The following PPP3R1 variants were observed in gnomAD, a reference collection of about 807,000 sequenced individuals.
PPP3R1 encodes protein phosphatase 3 regulatory subunit B, alpha.
A neutral mutation model predicts 22.6 loss-of-function variants in PPP3R1; 5 were observed. The ratio of observed to expected loss-of-function variants is 0.22; its 90% CI spans 0.12 to 0.46. The LOEUF is 0.46. PPP3R1 is among the 20% of genes least tolerant of loss of function. PPP3R1 has a pLI of 0.99. For synonymous variants in PPP3R1, 56 were observed against 65.2 expected, an observed-to-expected ratio of 0.86 and a Z score of 0.68; for missense variants, 61 against 203.2, an observed-to-expected ratio of 0.30 and a Z score of 4.25.
intron 2 of PPP3R1, among the ~76,000 whole-genome samples, chr2:68,206,970 C>A (rs1348994599): frequency 1.3e-5 from 2 of 151,932 alleles, no homozygotes; most frequent in East Asian, 3.9e-4. Context: ...GATGAGAAGG[C>A]ATGACAGGAA....
At chr2:68,243,977 G>A (rs1457119011) in intron 1 of PPP3R1, among the ~76,000 whole-genome samples, 1 of 152,046 alleles carries the variant, frequency 6.6e-6, no homozygotes. Context: ...CTTAATACTG[G>A]GGGAGGGGTG....
At chr2:68,198,212 A>C (rs1023322112) in intron 2 of PPP3R1, among the ~76,000 whole-genome samples, 1 of 137,712 alleles carries the variant, frequency 7.3e-6, no homozygotes, top group South Asian at 2.4e-4. Flanking sequence ...ATGTGCATAC[A>C]TATATACATT....
At position 68,235,213 on chromosome 2, in the gene PPP3R1, T is replaced by A. The variant is rs181878888; in HGVS notation, c.3+16912A>T. 2.4e-3 allele frequency among the ~76,000 whole-genome samples: 371 copies of A among 152,340 alleles called. 1 individual carries two copies. Among genetic ancestry groups the A allele is most frequent in the African/African-American group, 8.3e-3 (347 of 41,586 alleles). On this transcript the variant is annotated intron_variant, in intron 1 of 5. Transcript: ENST00000234310. ...CCTGTTTTGTTTTATTACCGCTTTA[T>A]TGAAATATAATTTATATACCACACA...
intron 2 of PPP3R1, among the ~76,000 whole-genome samples, chr2:68,204,500 G>C (rs1675067469): frequency 6.6e-6 from 1 of 152,056 alleles, no homozygotes; most frequent in East Asian, 1.9e-4. Flanking sequence ...TATGAAACAT[G>C]ATGGCCTAAG....
At chr2:68,192,867 T>C (rs1335253332) in intron 2 of PPP3R1, among the ~76,000 whole-genome samples, 1 of 152,176 alleles carries the variant, frequency 6.6e-6, no homozygotes, top group Non-Finnish European at 1.5e-5. Context: ...TTGGCTACAA[T>C]GCTCTTGGCA....
At chr2:68,228,259 A>AT (rs1209843063) in intron 1 of PPP3R1, among the ~76,000 whole-genome samples, 1 of 152,170 alleles carries the variant, frequency 6.6e-6, no homozygotes, top group Non-Finnish European at 1.5e-5. Flanking sequence ...TATGGTGTAT[A>AT]ATCTTTTAAA....
intron 2 of PPP3R1, among the ~76,000 whole-genome samples, chr2:68,194,305 C>T (rs942477803): frequency 2.0e-5 from 3 of 152,026 alleles, no homozygotes; most frequent in Admixed American, 1.3e-4. Flanking sequence ...TGCACTCTGA[C>T]GGTTCTCACG....
chr2:68,198,564 A>G (rs1244456173), intron 2 of PPP3R1, among the ~76,000 whole-genome samples: 4 of 151,284 alleles, frequency 2.6e-5, no homozygotes, highest in Non-Finnish European at 5.9e-5. Flanking sequence ...ATTTTAGTCT[A>G]CCTTATGCCA....
At chr2:68,231,178 G>A (rs1406856130) in intron 1 of PPP3R1, among the ~76,000 whole-genome samples, 3 of 150,722 alleles carry the variant, frequency 2.0e-5, no homozygotes, top group African/African-American at 7.3e-5. Context: ...TTTTTTTTCA[G>A]TCTGTTTACT....
chr2:68,210,290 T>C (rs988506421), intron 2 of PPP3R1, among the ~76,000 whole-genome samples: 1 of 152,224 alleles, frequency 6.6e-6, no homozygotes, highest in African/African-American at 2.4e-5. Flanking sequence ...TGGGTCATCT[T>C]AACTGGTCCT....
chr2:68,198,373 A>G (rs13004303), intron 2 of PPP3R1, among the ~76,000 whole-genome samples: 5,271 of 37,092 alleles, frequency 0.14, 1,037 homozygotes, highest in African/African-American at 0.54. Context: ...ACATATATGT[A>G]CATGTATATG....
chr2:68,247,044 C>T (rs1266458690), intron 1 of PPP3R1, among the ~76,000 whole-genome samples: 5 of 152,074 alleles, frequency 3.3e-5, no homozygotes, highest in Admixed American at 2.6e-4. Flanking sequence ...CAACCTCCAC[C>T]TCCCAAGCTC....
intron 1 of PPP3R1, among the ~76,000 whole-genome samples, chr2:68,239,136 C>T (rs1375044666): frequency 6.6e-6 from 1 of 152,036 alleles, no homozygotes; most frequent in Non-Finnish European, 1.5e-5. Flanking sequence ...TAAATTGTTC[C>T]AACACAGATA....
At chr2:68,247,139 C>T (rs746620835) in intron 1 of PPP3R1, among the ~76,000 whole-genome samples, 4 of 148,168 alleles carry the variant, frequency 2.7e-5, no homozygotes, top group Non-Finnish European at 6.1e-5. Context: ...TATTTTTGTA[C>T]AGATGGGCTT....
chr2:68,195,993 T>C (rs1366130969), intron 2 of PPP3R1, among the ~76,000 whole-genome samples: 1 of 152,090 alleles, frequency 6.6e-6, no homozygotes, highest in Non-Finnish European at 1.5e-5. Flanking sequence ...CAATCTCTTT[T>C]GTACAGCAAG....
In PPP3R1 at chr2:68,229,963, TATACACAC is replaced by T. The variant is rs1216274818; in HGVS notation, c.4-12840_4-12833del. Among the ~76,000 whole-genome samples the T allele has an allele frequency of 1.5e-3, 103 of 68,288 alleles. 1 individual carries two copies. The highest frequency in any genetic ancestry group is 4.1e-3 in the African/African-American group (59 of 14,504). The allele number at this position is 68,288 out of a possible 152,430, so 44.8% of individuals were successfully genotyped here. ...GTGTGTATATATGTGTGTGTGTATA[TATACACAC>T]ATACACACACACACACACACACACA... On this transcript the variant is annotated intron_variant, in intron 1 of 5. Coordinates refer to ENST00000234310, the MANE Select transcript of PPP3R1 (RefSeq NM_000945.4).
At chr2:68,243,543 A>T (rs909644963) in intron 1 of PPP3R1, among the ~76,000 whole-genome samples, 1 of 152,174 alleles carries the variant, frequency 6.6e-6, no homozygotes, top group Non-Finnish European at 1.5e-5. Flanking sequence ...TTCTCTTTTA[A>T]TAATTTGTTA....
chr2:68,190,338 G>C (rs1478457304), intron 2 of PPP3R1, among the ~76,000 whole-genome samples: 1 of 151,620 alleles, frequency 6.6e-6, no homozygotes, highest in African/African-American at 2.4e-5. Context: ...GCCAAGGCGG[G>C]TGGATCACCT....
At chr2:68,199,479 CT>C (rs1674911738) in intron 2 of PPP3R1, among the ~76,000 whole-genome samples, 1 of 152,098 alleles carries the variant, frequency 6.6e-6, no homozygotes, top group Non-Finnish European at 1.5e-5. Flanking sequence ...GTGACTAGGA[CT>C]TCAAATACAA....
Sources: allele counts gnomAD v4.1 joint callset (sites outside exome capture counted in the v4.1 genomes callset), GRCh38; gene constraint gnomAD v4.1.1; transcripts MANE v1.5; gene names NCBI Gene and HGNC (gene_info 2026-07-23, HGNC 2026-07-21).